Variants in NBPF14 observed in about 807,000 individuals in gnomAD.
NBPF14 encodes the protein NBPF member 14.
In NBPF14, 104 loss-of-function variants were observed where a neutral mutation model predicts 91.2. The observed-to-expected ratio is 1.14, with a 90% CI of 0.97 to 1.34. The LOEUF (loss-of-function observed/expected upper bound fraction) is 1.34, where lower values mean the gene tolerates loss of function less well. NBPF14 is among the 40% of genes most tolerant of loss of function. The probability of loss-of-function intolerance (pLI) is 0.00; values close to 1 mark genes in which losing one functional copy is unlikely to be tolerated. For missense variants in NBPF14, 908 were observed against 783.0 expected, an observed-to-expected ratio of 1.16 and a Z score of -1.91; for synonymous variants, 294 against 303.8, an observed-to-expected ratio of 0.97 and a Z score of 0.34.
chr1:148,577,424 T>A (rs1660028232), intron 14 of NBPF14, 69 bp from the exon 15 acceptor site: 5 of 662,552 alleles, frequency 7.5e-6, no homozygotes, highest in Non-Finnish European at 1.4e-5. Flanking sequence ...CAGCTAGATT[T>A]CATGGCTAAC....
At chr1:148,533,804 A>T (rs1220125247) in intron 70 of NBPF14, 57 bp downstream of exon 70, 32 of 766,424 alleles carry the variant, frequency 4.2e-5, no homozygotes, top group South Asian at 4.2e-4. Context: ...GTTTCCCTGA[A>T]TCTGTTGCCT....
intron 69 of NBPF14, among the ~76,000 whole-genome samples, chr1:148,534,383 A>C (rs1442586650): frequency 1.3e-5 from 2 of 151,642 alleles, no homozygotes; most frequent in African/African-American, 4.8e-5. Context: ...AAATCTACAA[A>C]CCCTTGAGTC....
chr1:148,590,080 G>A (rs1371728120), intron 6 of NBPF14, among the ~76,000 whole-genome samples: 4 of 112,916 alleles, frequency 3.5e-5, no homozygotes, highest in East Asian at 2.3e-4. Context: ...ATGGAGTCTC[G>A]CTCTGTCTCC....
At chr1:148,593,751 G>A (rs1662874312) in intron 2 of NBPF14, 51 bp from the exon 3 acceptor site, 8 of 1,196,178 alleles carry the variant, frequency 6.7e-6, no homozygotes, top group Non-Finnish European at 9.8e-6. Context: ...ACATGCTGCT[G>A]TGGTCACTGC....
Position 148,587,251 on chromosome 1 carries a change from C to T in NBPF14, c.1091+50G>A, listed in dbSNP as rs1448497507. ...GTCTCCCCACTGAGCTGCTGTACTT[C>T]AGAGATTTACACACCTGCCCCCCTG... On this transcript the variant is annotated intron_variant, in intron 8 of 70. Coordinates refer to ENST00000619423, the Ensembl canonical transcript of NBPF14. 10 of 1,468,774 alleles carry T rather than the reference C, an allele frequency of 6.8e-6. No individual in the cohort carries two copies. The East Asian group carries it at 2.2e-4, about 33-fold the overall frequency. 91.0% of individuals were successfully genotyped at this position (1,468,774 alleles called of 1,614,324 possible). A position where few individuals can be genotyped will look rare whatever the true frequency, so the allele number is the denominator to read the frequency against.
chr1:148,550,567 AG>A, intron 48 of NBPF14, 23 bp from the exon 49 acceptor site: 1 of 231,520 alleles, frequency 4.3e-6, no homozygotes, highest in South Asian at 2.7e-5. Flanking sequence ...GAAAAAGTAA[AG>A]AATAAGCCAG....
exon 21 of NBPF14, chr1:148,572,586 T>A (rs1430421905): frequency 1.6e-6 from 1 of 627,752 alleles, no homozygotes; most frequent in African/African-American, 3.2e-5. Flanking sequence ...GACTTCAGGC[T>A]CTTTCTCATC....
At chr1:148,534,444 A>C (rs1227258691) in intron 69 of NBPF14, among the ~76,000 whole-genome samples, 1 of 151,770 alleles carries the variant, frequency 6.6e-6, no homozygotes, top group Non-Finnish European at 1.5e-5. Context: ...CAATGTCATG[A>C]GAATAGGATC....
chr1:148,588,346 ATTAT>A (rs1661904094), intron 7 of NBPF14, among the ~76,000 whole-genome samples: 1 of 136,210 alleles, frequency 7.3e-6, no homozygotes, highest in African/African-American at 2.7e-5. Context: ...TATCATTATT[ATTAT>A]TATTATTTTT....
chr1:148,534,994 C>T (rs1206791155), intron 68 of NBPF14, 138 bp from the exon 69 acceptor site: 24 of 712,950 alleles, frequency 3.4e-5, no homozygotes, highest in Non-Finnish European at 5.9e-5. Context: ...CGAATTATTG[C>T]CTTTATGTTG....
intron 16 of NBPF14, 145 bp from the exon 17 acceptor site, chr1:148,575,956 G>T: frequency 3.7e-6 from 2 of 538,244 alleles, no homozygotes; most frequent in South Asian, 2.0e-5. Context: ...TTGCCTTTAT[G>T]TTGGGATAGA....
At chr1:148,566,461 G>C (rs1405930431) in intron 28 of NBPF14, 146 bp from the exon 29 acceptor site, 2 of 594,408 alleles carry the variant, frequency 3.4e-6, no homozygotes, top group Admixed American at 2.9e-5. Context: ...TTGCCTTCAT[G>C]TTGGGACAGA....
At chr1:148,566,463 T>C in intron 28 of NBPF14, 148 bp from the exon 29 acceptor site, 1 of 600,200 alleles carries the variant, frequency 1.7e-6, no homozygotes, top group Non-Finnish European at 2.9e-6. Context: ...GCCTTCATGT[T>C]GGGACAGAAC....
At chr1:148,539,280 T>G in intron 63 of NBPF14, 130 bp downstream of exon 63, 1 of 636,030 alleles carries the variant, frequency 1.6e-6, no homozygotes, top group East Asian at 3.2e-5. Context: ...CTTTACAACC[T>G]ATATGCGCCC....
chr1:148,535,396 A>G (rs1654946926), intron 68 of NBPF14, 57 bp downstream of exon 68: 1 of 507,412 alleles, frequency 2.0e-6, no homozygotes, highest in African/African-American at 2.8e-5. Flanking sequence ...TTTTCCCTGG[A>G]CCTGGCATCT....
At chr1:148,539,233 C>A in intron 63 of NBPF14, among the ~76,000 whole-genome samples, 177 bp downstream of exon 63, 1 of 107,182 alleles carries the variant, frequency 9.3e-6, no homozygotes, top group Admixed American at 8.5e-5. Flanking sequence ...CTCACTGACC[C>A]ATTTCATGTC....
At chr1:148,560,190 A>G (rs1379204457) in intron 36 of NBPF14, among the ~76,000 whole-genome samples, 5 of 151,366 alleles carry the variant, frequency 3.3e-5, no homozygotes, top group African/African-American at 1.2e-4. Flanking sequence ...ACAGAGACAG[A>G]GACAGAGAGA....
At chr1:148,534,855 G>A in exon 69 of NBPF14, 8 of 959,580 alleles carry the variant, frequency 8.3e-6, no homozygotes, top group South Asian at 2.6e-5. Flanking sequence ...TCCCTGCTGA[G>A]CCTGGAAAAG....
At chr1:148,534,735 C>T (rs1451418256) in exon 69 of NBPF14, 1 of 832,162 alleles carries the variant, frequency 1.2e-6, no homozygotes, top group African/African-American at 1.8e-5. Flanking sequence ...GAGTAAACAG[C>T]ACTGCTGTAG....
Sources: allele counts gnomAD v4.1 joint callset (sites outside exome capture counted in the v4.1 genomes callset), GRCh38; gene constraint gnomAD v4.1.1; transcripts MANE v1.5; gene names NCBI Gene and HGNC (gene_info 2026-07-23, HGNC 2026-07-21).